VWA5B1: variants seen among roughly 807,000 people sequenced by gnomAD.
VWA5B1 encodes the protein von Willebrand factor A domain containing 5B1, also known as von Willebrand factor A domain-containing protein 5B1.
VWA5B1 carries 115 observed loss-of-function variants against 118.2 expected under a neutral mutation model. The observed-to-expected ratio is 0.97, with a 90% CI of 0.84 to 1.14. VWA5B1 has a LOEUF of 1.14. Among genes scored for constraint, VWA5B1 ranks in the 50% most tolerant of loss-of-function variants. VWA5B1 has a pLI of 0.00. For synonymous variants in VWA5B1, 682 were observed against 658.4 expected (o/e 1.04, Z -0.55); for missense variants, 1,596 against 1,603.8 (o/e 1.00, Z 0.08).
intron 17 of VWA5B1, among the ~76,000 whole-genome samples, chr1:20,347,528 C>G (rs938508396): frequency 6.6e-6 from 1 of 152,090 alleles, no homozygotes; most frequent in African/African-American, 2.4e-5. Flanking sequence ...CAATCTCTAA[C>G]TCTTGGACTC....
Position 20,302,589 on chromosome 1 carries a change from C to T in VWA5B1, c.-26-7987C>T, listed in dbSNP as rs140977078. Among the ~76,000 whole-genome samples, 283 of 152,304 alleles carry T rather than the reference C, an allele frequency of 1.9e-3. 1 individual carries two copies. The highest frequency in any genetic ancestry group is 5.3e-3 in the African/African-American group (221 of 41,556). On this transcript the variant is annotated intron_variant, in intron 1 of 21. Transcript: ENST00000289815. Reference sequence around the variant, plus strand: ...GGGGCCCTGTACTTCTTGGTCATTGCGGTAGCCCAGCCTAGCAGTGTCTGG... The same window carrying T: ...GGGGCCCTGTACTTCTTGGTCATTGTGGTAGCCCAGCCTAGCAGTGTCTGG...
At chr1:20,324,676 C>T (rs972991993) in intron 8 of VWA5B1, among the ~76,000 whole-genome samples, 2 of 152,146 alleles carry the variant, frequency 1.3e-5, no homozygotes, top group Admixed American at 1.3e-4. Context: ...AGTTTGTTCC[C>T]AGAGCAAGCT....
At chr1:20,335,104 T>C (rs139593550) in intron 12 of VWA5B1, among the ~76,000 whole-genome samples, 284 of 151,486 alleles carry the variant, frequency 1.9e-3, no homozygotes, top group African/African-American at 6.7e-3. Flanking sequence ...AGGCCAGGAG[T>C]TCAAGACCAG....
In VWA5B1 at chr1:20,310,777, C is replaced by A. The variant is rs766945443; in HGVS notation, c.139+37C>A. The stretch of plus-strand genomic sequence containing the variant: ...TGCTGGGGCCTCCCCGGGACCACCC[C>A]CTCCTCCACAGTGAATCCCTGTTTT... On this transcript the variant is annotated intron_variant, in intron 2 of 21. Coordinates refer to ENST00000289815, the MANE Select transcript of VWA5B1 (RefSeq NM_001039500.3). The A allele has an allele frequency of 5.3e-6, 8 of 1,495,952 alleles. 1 individual carries two copies. The highest frequency in any genetic ancestry group is 5.3e-5 in the South Asian group (4 of 74,878). The allele number at this position is 1,495,952 out of a possible 1,614,324, so 92.7% of individuals were successfully genotyped here. A position where few individuals can be genotyped will look rare whatever the true frequency, so the allele number is the denominator to read the frequency against.
intron 9 of VWA5B1, among the ~76,000 whole-genome samples, chr1:20,328,854 C>G (rs533513051): frequency 5.8e-4 from 88 of 152,242 alleles, no homozygotes; most frequent in Non-Finnish European, 4.6e-4. Flanking sequence ...TTATGTCAGT[C>G]AGGATAAAAG....
chr1:20,330,420 G>C (rs985564505), intron 10 of VWA5B1, 38 bp downstream of exon 10: 5 of 1,547,490 alleles, frequency 3.2e-6, no homozygotes, highest in Non-Finnish European at 4.4e-6. Context: ...GGTGACTCCA[G>C]GCTGCCGGGG....
At chr1:20,317,785 C>G in intron 5 of VWA5B1, 110 bp downstream of exon 5, 1 of 1,345,052 alleles carries the variant, frequency 7.4e-7, no homozygotes, top group Non-Finnish European at 9.9e-7. Flanking sequence ...GATGGCAGAC[C>G]TACTAAAGTA....
chr1:20,355,155 C>T lies in VWA5B1; in HGVS notation c.*892C>T, dbSNP rs1018260070. 3.3e-5 allele frequency among the ~76,000 whole-genome samples: 5 copies of T among 152,196 alleles called. No homozygotes were observed. Among genetic ancestry groups the T allele is most frequent in the South Asian group, 2.1e-4 (1 of 4,834 alleles). ...GAACTGCATCACTTGTACTGAGGCA[C>T]GAGGGAGCCACCACCAAGTAGGTCG... On this transcript the variant is annotated 3_prime_UTR_variant, in exon 22 of 22. Coordinates refer to ENST00000289815, the MANE Select transcript of VWA5B1 (RefSeq NM_001039500.3).
intron 16 of VWA5B1, among the ~76,000 whole-genome samples, chr1:20,344,348 A>C (rs2089964400): frequency 6.6e-6 from 1 of 151,846 alleles, no homozygotes; most frequent in South Asian, 2.1e-4. Context: ...GGCTCCACGC[A>C]CTCATTCATC....
chr1:20,351,561 A>G (rs923038274), intron 20 of VWA5B1, among the ~76,000 whole-genome samples: 4 of 152,216 alleles, frequency 2.6e-5, no homozygotes, highest in African/African-American at 9.7e-5. Flanking sequence ...CTGAGGCAGG[A>G]GAATCACTTG....
At chr1:20,342,342 T>A in intron 14 of VWA5B1, 90 bp from the exon 15 acceptor site, 1 of 1,384,992 alleles carries the variant, frequency 7.2e-7, no homozygotes. Context: ...GGAAGGAGGG[T>A]CCAGCCACCA....
chr1:20,293,851 G>A (rs114138636), intron 1 of VWA5B1, among the ~76,000 whole-genome samples: 1 of 152,192 alleles, frequency 6.6e-6, no homozygotes, highest in Non-Finnish European at 1.5e-5. Flanking sequence ...TGACACTAGA[G>A]TGGGGATTTG....
At position 20,354,405 on chromosome 1, in the gene VWA5B1, G is replaced by A. The variant is rs986544381; in HGVS notation, c.*142G>A. On this transcript the variant is annotated 3_prime_UTR_variant, in exon 22 of 22. Coordinates refer to ENST00000289815, the MANE Select transcript of VWA5B1 (RefSeq NM_001039500.3). The stretch of plus-strand genomic sequence containing the variant: ...AAGAGCCCTGGACTGGCAGCCAGGA[G>A]GCCTGAGTTCAATCCCAACTTTGCT... 7.1e-6 allele frequency: 8 copies of A among 1,120,398 alleles called. No homozygotes were observed. In the South Asian group the frequency reaches 1.3e-4, roughly 18 times the overall value. 69.4% of individuals were successfully genotyped at this position (1,120,398 alleles called of 1,614,324 possible). A position where few individuals can be genotyped will look rare whatever the true frequency, so the allele number is the denominator to read the frequency against.
intron 14 of VWA5B1, chr1:20,338,184 G>A (rs1288360913): frequency 4.5e-6 from 2 of 442,822 alleles, no homozygotes; most frequent in Non-Finnish European, 8.9e-6. Context: ...AGCCAGAGAG[G>A]TAGGGCACTT....
intron 1 of VWA5B1, among the ~76,000 whole-genome samples, chr1:20,293,584 C>T (rs1177124817): frequency 1.3e-5 from 2 of 152,284 alleles, no homozygotes; most frequent in South Asian, 2.1e-4. Flanking sequence ...GTCTCACAGG[C>T]GTCCTTACTC....
chr1:20,343,505 G>A, intron 16 of VWA5B1, 112 bp downstream of exon 16: 1 of 1,409,994 alleles, frequency 7.1e-7, no homozygotes, highest in Non-Finnish European at 9.2e-7. Flanking sequence ...AGCCCCGCGT[G>A]GTCCGCCCAC....
intron 7 of VWA5B1, among the ~76,000 whole-genome samples, chr1:20,320,058 G>A (rs1379687824): frequency 6.6e-6 from 1 of 152,224 alleles, no homozygotes; most frequent in Non-Finnish European, 1.5e-5. Context: ...GTTGGAGGCT[G>A]AGCGTCAGCC....
At chr1:20,294,392 A>C (rs887429621) in intron 1 of VWA5B1, 1 of 152,268 alleles carries the variant, frequency 6.6e-6, no homozygotes, top group African/African-American at 2.4e-5. Context: ...GGGGTTGGGG[A>C]AAAAGGGACA....
intron 3 of VWA5B1, among the ~76,000 whole-genome samples, chr1:20,313,580 C>T (rs564640792): frequency 4.6e-5 from 7 of 152,312 alleles, no homozygotes; most frequent in African/African-American, 1.7e-4. Flanking sequence ...GCCTTTTAGG[C>T]AGCACGTCAC....
Sources: allele counts gnomAD v4.1 joint callset (sites outside exome capture counted in the v4.1 genomes callset), GRCh38; gene constraint gnomAD v4.1.1; transcripts MANE v1.5; gene names NCBI Gene and HGNC (gene_info 2026-07-23, HGNC 2026-07-21).